DAPK1: variants seen among roughly 807,000 people sequenced by gnomAD.
The protein encoded by DAPK1 is death associated protein kinase 1.
Under a neutral mutation model 144.9 loss-of-function variants are expected in DAPK1, and 56 were observed. The ratio of observed to expected loss-of-function variants is 0.39; its 90% confidence interval spans 0.31 to 0.48. The LOEUF (loss-of-function observed/expected upper bound fraction) is 0.48, where lower values mean the gene tolerates loss of function less well. Among genes scored for constraint, DAPK1 ranks in the 20% least tolerant of loss-of-function variants. The probability of loss-of-function intolerance (pLI) is 0.95; values close to 1 mark genes in which losing one functional copy is unlikely to be tolerated. For missense variants in DAPK1, 1,454 were observed against 1,875.4 expected, an observed-to-expected ratio of 0.78 and a Z score of 4.15; for synonymous variants, 690 against 749.0, an observed-to-expected ratio of 0.92 and a Z score of 1.29.
At chr9:87,594,771 A>G (rs1564013019) in intron 2 of DAPK1, among the ~76,000 whole-genome samples, 1 of 152,364 alleles carries the variant, frequency 6.6e-6, no homozygotes, top group East Asian at 1.9e-4. Flanking sequence ...AGTGGTGAAG[A>G]GGGCTGAATC....
intron 3 of DAPK1, among the ~76,000 whole-genome samples, chr9:87,620,333 C>A (rs1043573703): frequency 6.6e-6 from 1 of 152,210 alleles, no homozygotes; most frequent in Admixed American, 6.5e-5. Context: ...ATCGCTTCCT[C>A]CTCCTCAAAC....
At chr9:87,626,051 C>T (rs988951262) in intron 3 of DAPK1, among the ~76,000 whole-genome samples, 2 of 152,172 alleles carry the variant, frequency 1.3e-5, no homozygotes, top group Non-Finnish European at 2.9e-5. Context: ...ACCAATCTTG[C>T]CACTAAGCAG....
At chr9:87,628,395 T>C (rs533370903) in intron 3 of DAPK1, among the ~76,000 whole-genome samples, 2 of 152,324 alleles carry the variant, frequency 1.3e-5, no homozygotes, top group Admixed American at 1.3e-4. Flanking sequence ...AAAAAATGTC[T>C]CTGACCCCCT....
chr9:87,572,559 C>T (rs1040153634), intron 2 of DAPK1, among the ~76,000 whole-genome samples: 55 of 152,148 alleles, frequency 3.6e-4, no homozygotes, highest in African/African-American at 1.3e-3. Context: ...TTGATGCTGT[C>T]CTGGTGATAG....
At chr9:87,518,918 GAA>G (rs34534596) in intron 2 of DAPK1, among the ~76,000 whole-genome samples, 1 of 144,736 alleles carries the variant, frequency 6.9e-6, no homozygotes. Flanking sequence ...ATCTTTCCAG[GAA>G]AAAAAAAAAA....
rs780243414 is a variant in DAPK1 at position 87,686,591 on chromosome 9, C to T, written c.2265C>T (p.Asn755=). The T allele has an allele frequency of 1.4e-5, 23 of 1,596,510 alleles. No homozygotes were observed. Among genetic ancestry groups the T allele is most frequent in the African/African-American group, 2.7e-5 (2 of 74,616 alleles). The change falls in exon 21 of 26, where the codon AAC becomes AAT. Residue 755 remains asparagine (N), a synonymous_variant. Transcript: ENST00000408954. This position sits in a 1 kb window ranked among gnomAD's most constrained non-coding sequence, Gnocchi z 4.2. ...ACAACCTGTACCCAGGCTGCGAGAA[C>T]GTGAGTGTGAGGAGCCGCAGCATGA... ...SINNLYPGCE[N]VSVRSRSMMF...
chr9:87,706,320 G>A lies in DAPK1; in HGVS notation c.3249G>A (p.Gln1083=). The part of the protein sequence containing the change: ...VPDSDVEELL[Q]ILDAMDICAR... ...ACAGCGACGTGGAGGAGCTGCTGCA[G>A]ATCCTCGATGCCATGGACATCTGCG... is the stretch of plus-strand genomic sequence containing the variant. Residue 1083 remains glutamine, a synonymous_variant, in exon 26 of 26, where the codon CAG becomes CAA. Coordinates refer to ENST00000408954, the MANE Select transcript of DAPK1 (RefSeq NM_004938.4). This position sits in a 1 kb window ranked among gnomAD's most constrained non-coding sequence, Gnocchi z 9.0. 6.2e-7 allele frequency: 1 copy of A among 1,608,636 alleles called. No homozygotes were observed. The highest frequency in any genetic ancestry group is 8.5e-7 in the Non-Finnish European group (1 of 1,177,192).
Position 87,649,637 on chromosome 9 carries a change from A to G in DAPK1, c.1429-284A>G, listed in dbSNP as rs1270293779. On this transcript the variant is annotated intron_variant, in intron 15 of 25. Transcript: ENST00000408954. ...GGTTTCAACGGGCTCCCGAAAGTCA[A>G]TTGTCAGTCATATGCTTGAGAAAGC... Among the ~76,000 whole-genome samples, 7 of 152,330 alleles carry G rather than the reference A, an allele frequency of 4.6e-5. No homozygotes were observed. In the South Asian group the frequency reaches 1.2e-3, roughly 27 times the overall value.
chr9:87,664,192 C>T (rs951424973), intron 18 of DAPK1, among the ~76,000 whole-genome samples: 12 of 152,168 alleles, frequency 7.9e-5, no homozygotes, highest in South Asian at 6.2e-4. Context: ...TCTGCCCAGC[C>T]TCCCCTTCCC....
intron 18 of DAPK1, among the ~76,000 whole-genome samples, chr9:87,661,249 T>A (rs1466109764): frequency 2.0e-5 from 3 of 152,214 alleles, no homozygotes; most frequent in Admixed American, 6.5e-5. Flanking sequence ...CCTTTGCTAC[T>A]GTGAGTAGTC....
intron 17 of DAPK1, among the ~76,000 whole-genome samples, chr9:87,656,133 G>A (rs1014903392): frequency 2.0e-5 from 3 of 152,214 alleles, no homozygotes; most frequent in African/African-American, 7.2e-5. Context: ...CACTTAAGAT[G>A]ATCGAGGCTT....
chr9:87,561,233 C>T (rs1334163549), intron 2 of DAPK1, among the ~76,000 whole-genome samples: 1 of 151,892 alleles, frequency 6.6e-6, no homozygotes, highest in East Asian at 2.0e-4. Flanking sequence ...CTACAAAATA[C>T]ACCAAATATG....
chr9:87,639,319 C>G, intron 4 of DAPK1, 35 bp from the exon 5 acceptor site: 1 of 1,537,876 alleles, frequency 6.5e-7, no homozygotes, highest in Non-Finnish European at 8.8e-7. Flanking sequence ...CATAACATAT[C>G]ATAGCTTTTT....
At chr9:87,512,829 C>G (rs995769136) in intron 2 of DAPK1, among the ~76,000 whole-genome samples, 4 of 152,048 alleles carry the variant, frequency 2.6e-5, no homozygotes, top group African/African-American at 9.7e-5. Flanking sequence ...TTAGTAGACA[C>G]AGGGTTTCAC....
intron 2 of DAPK1, among the ~76,000 whole-genome samples, chr9:87,544,546 A>G (rs141927992): frequency 6.6e-6 from 1 of 152,374 alleles, no homozygotes; most frequent in Non-Finnish European, 1.5e-5. Flanking sequence ...AAGTATACAC[A>G]TACACCAGAA....
chr9:87,662,707 T>G (rs781340470), intron 18 of DAPK1, among the ~76,000 whole-genome samples: 3 of 151,928 alleles, frequency 2.0e-5, no homozygotes, highest in Non-Finnish European at 4.4e-5. Context: ...ATTAATTTAT[T>G]AACTCAGAAT....
chr9:87,541,159 T>A (rs1205637478), intron 2 of DAPK1, among the ~76,000 whole-genome samples: 1 of 152,184 alleles, frequency 6.6e-6, no homozygotes, highest in African/African-American at 2.4e-5. Flanking sequence ...TGGATATTGG[T>A]TCCTACTTTT....
chr9:87,644,839 C>T (rs1444272748), intron 11 of DAPK1, among the ~76,000 whole-genome samples: 1 of 152,186 alleles, frequency 6.6e-6, no homozygotes, highest in Admixed American at 6.5e-5. Flanking sequence ...ATATTCTAAT[C>T]ATGGGGATGA....
chr9:87,534,725 A>G (rs1290115876), intron 2 of DAPK1, among the ~76,000 whole-genome samples: 3 of 151,094 alleles, frequency 2.0e-5, no homozygotes, highest in African/African-American at 7.3e-5. Flanking sequence ...GCTCACTGCA[A>G]CCTCCGCCTC....
Sources: gnomAD v4.1 joint callset for allele counts (sites outside exome capture counted in the v4.1 genomes callset) on GRCh38, gnomAD v4.1.1 for gene constraint, Gnocchi (gnomAD v3.1) non-coding constraint, MANE v1.5 for transcripts, NCBI Gene and HGNC (gene_info 2026-07-23, HGNC 2026-07-21) for gene names.